Variants in BIN1 observed in about 807,000 individuals in gnomAD.
BIN1 encodes the protein bridging integrator 1.
Under a neutral mutation model 82.0 loss-of-function variants are expected in BIN1, and 53 were observed. The ratio of observed to expected loss-of-function variants is 0.65; its 90% CI spans 0.52 to 0.81. The LOEUF is 0.81. BIN1 is among the 40% of genes least tolerant of loss of function. BIN1 has a pLI of 0.00. For synonymous variants in BIN1, 302 were observed against 328.0 expected, an observed-to-expected ratio of 0.92 and a Z score of 0.86; for missense variants, 642 against 784.4, an observed-to-expected ratio of 0.82 and a Z score of 2.17.
intron 14 of BIN1, chr2:127,052,765 T>G (rs1178478052): frequency 3.6e-6 from 1 of 280,678 alleles, no homozygotes; most frequent in Non-Finnish European, 6.8e-6. Context: ...TCTGCCTGTA[T>G]CAGGGGGTCT....
intron 1 of BIN1, among the ~76,000 whole-genome samples, chr2:127,103,825 T>A (rs981611584): frequency 6.6e-6 from 1 of 152,152 alleles, no homozygotes; most frequent in Non-Finnish European, 1.5e-5. Context: ...ACACAATCAT[T>A]TATAGAGGGT....
intron 1 of BIN1, among the ~76,000 whole-genome samples, chr2:127,106,276 G>A (rs1438350159): frequency 2.0e-5 from 3 of 152,250 alleles, no homozygotes; most frequent in African/African-American, 7.2e-5. Context: ...CTTCCAGGCC[G>A]CAGGCACCTC....
At chr2:127,102,268 C>A (rs1159438948) in intron 1 of BIN1, among the ~76,000 whole-genome samples, 2 of 152,148 alleles carry the variant, frequency 1.3e-5, no homozygotes, top group Non-Finnish European at 2.9e-5. Context: ...TTGTAAGGGA[C>A]CAGCTGGGCT....
rs373337767 is a variant in BIN1 at position 127,063,553 on chromosome 2, G to A, written c.774+18C>T. 1.2e-6 allele frequency: 2 copies of A among 1,612,550 alleles called. No homozygotes were observed. Among genetic ancestry groups the A allele is most frequent in the African/African-American group, 2.7e-5 (2 of 74,886 alleles). ...CCAGGGTGGGGTGTGGCCCCTCAGA[G>A]GGGTCCCCATGGCCTACCTTGCTCA... On this transcript the variant is annotated intron_variant, in intron 9 of 18. Coordinates refer to ENST00000316724, the MANE Select transcript of BIN1 (RefSeq NM_139343.3).
chr2:127,053,280 G>C (rs762857980), intron 14 of BIN1, 142 bp downstream of exon 14: 8 of 1,249,570 alleles, frequency 6.4e-6, no homozygotes, highest in Non-Finnish European at 8.0e-6. Flanking sequence ...CTCCCTGTGC[G>C]TGAGCACGTG....
At chr2:127,104,489 C>CAG (rs977033869) in intron 1 of BIN1, among the ~76,000 whole-genome samples, 1 of 152,180 alleles carries the variant, frequency 6.6e-6, no homozygotes, top group Non-Finnish European at 1.5e-5. Flanking sequence ...GGCCCTTCTT[C>CAG]CTACGCCAGG....
At chr2:127,072,813 C>T (rs187045395) in intron 2 of BIN1, among the ~76,000 whole-genome samples, 56 of 152,226 alleles carry the variant, frequency 3.7e-4, no homozygotes, top group African/African-American at 8.7e-4. Flanking sequence ...GGAGACCCCG[C>T]GGGGCCGGGG....
Position 127,102,257 on chromosome 2 carries a change from C to A in BIN1, c.84+4603G>T, listed in dbSNP as rs533197574. On this transcript the variant is annotated intron_variant, in intron 1 of 18. Transcript: ENST00000316724. ...TAGAACCTCAGGGACAGTCACACAG[C>A]TTGTAAGGGACCAGCTGGGCTGGAC... 4.7e-3 allele frequency among the ~76,000 whole-genome samples: 714 copies of A among 152,278 alleles called. 4 individuals carry two copies. Among genetic ancestry groups the A allele is most frequent in the Non-Finnish European group, 6.6e-3 (451 of 68,024 alleles).
chr2:127,053,204 C>G (rs1200228611), intron 14 of BIN1: 1 of 658,332 alleles, frequency 1.5e-6, no homozygotes, highest in African/African-American at 1.8e-5. Flanking sequence ...AACCGAAGAT[C>G]CCCTTTTCCA....
intron 10 of BIN1, chr2:127,060,591 G>A (rs764416956): frequency 9.9e-5 from 159 of 1,614,032 alleles, no homozygotes; most frequent in South Asian, 1.4e-4. Context: ...ACTCACTGCC[G>A]GTACCTGTTC....
chr2:127,083,981 A>T (rs929016852), intron 1 of BIN1, among the ~76,000 whole-genome samples: 2 of 152,230 alleles, frequency 1.3e-5, no homozygotes, highest in Non-Finnish European at 2.9e-5. Flanking sequence ...TTGGAAAGGA[A>T]GGTCACTTTT....
At chr2:127,086,286 A>G (rs1284444659) in intron 1 of BIN1, among the ~76,000 whole-genome samples, 1 of 152,080 alleles carries the variant, frequency 6.6e-6, no homozygotes, top group Non-Finnish European at 1.5e-5. Context: ...CACTGGGGGG[A>G]GCGGGCGTGT....
rs1416571395 is a variant in BIN1 at position 127,107,133 on chromosome 2, A to G, written c.-190T>C. The G allele has an allele frequency of 7.2e-6, 4 of 555,386 alleles. No homozygotes were observed. The highest frequency in any genetic ancestry group is 1.1e-5 in the Non-Finnish European group (4 of 364,246). 34.4% of individuals were successfully genotyped at this position (555,386 alleles called of 1,614,324 possible). ...GGGCGAGCGAGCCAGCGAGCTAGCC[A>G]GCGAGCGACGCGGGGACAGAGGGAG... On this transcript the variant is annotated 5_prime_UTR_variant, in exon 1 of 19. Coordinates refer to ENST00000316724, the MANE Select transcript of BIN1 (RefSeq NM_139343.3). The surrounding 1 kb of genome is among the most constrained non-coding windows in gnomAD (Gnocchi z 5.9).
intron 2 of BIN1, among the ~76,000 whole-genome samples, chr2:127,073,589 G>A (rs577918095): frequency 2.6e-5 from 4 of 152,140 alleles, no homozygotes; most frequent in South Asian, 4.1e-4. Context: ...CTCCCAGTGG[G>A]TCTAGGGGGC....
intron 5 of BIN1, 116 bp from the exon 6 acceptor site, chr2:127,069,147 C>A: frequency 3.3e-6 from 3 of 899,170 alleles, no homozygotes; most frequent in Non-Finnish European, 5.2e-6. Flanking sequence ...TCCACAGGAA[C>A]CCTTGAGCCC....
In BIN1 at chr2:127,057,377, C is replaced by G. The variant is rs1683830591; in HGVS notation, c.1131+96G>C. 9 of 1,405,316 alleles carry G rather than the reference C, an allele frequency of 6.4e-6. No homozygotes were observed. The South Asian group carries it at 1.4e-4, about 22-fold the overall frequency. The allele number at this position is 1,405,316 out of a possible 1,614,324, so 87.1% of individuals were successfully genotyped here. On this transcript the variant is annotated intron_variant, in intron 12 of 18. Transcript: ENST00000316724. The surrounding 1 kb of genome is among the most constrained non-coding windows in gnomAD (Gnocchi z 5.0). ...AACTGACACTCTCTCTGGCCAGATTCCTGGCTCTTGAGACAGAAGCATAGA... is the reference window on the plus strand; with the variant it reads ...AACTGACACTCTCTCTGGCCAGATTGCTGGCTCTTGAGACAGAAGCATAGA...
At chr2:127,054,397 A>C in intron 12 of BIN1, 1 of 306,800 alleles carries the variant, frequency 3.3e-6, no homozygotes, top group Admixed American at 4.4e-5. Flanking sequence ...CAATGCCCGA[A>C]CCTCCTCTCC....
At chr2:127,084,928 A>G (rs1312077475) in intron 1 of BIN1, among the ~76,000 whole-genome samples, 2 of 152,188 alleles carry the variant, frequency 1.3e-5, no homozygotes, top group Non-Finnish European at 2.9e-5. Context: ...CTTCCTCCTC[A>G]GAACCCAGTG....
At position 127,104,501 on chromosome 2, in the gene BIN1, C is replaced by T. The variant is rs142328572; in HGVS notation, c.84+2359G>A. On this transcript the variant is annotated intron_variant, in intron 1 of 18. Transcript: ENST00000316724. The stretch of plus-strand genomic sequence containing the variant: ...ACGGGCCCTTCTTCCTACGCCAGGA[C>T]GCCAGGACTCTCCCAGCCTCCCAGC... Among the ~76,000 whole-genome samples, 6 of 152,240 alleles carry T rather than the reference C, an allele frequency of 3.9e-5. No individual in the cohort carries two copies. The East Asian group carries it at 5.8e-4, about 15-fold the overall frequency.
Sources: allele counts gnomAD v4.1 joint callset (sites outside exome capture counted in the v4.1 genomes callset), GRCh38; gene constraint gnomAD v4.1.1; non-coding constraint Gnocchi (gnomAD v3.1); transcripts MANE v1.5; gene names NCBI Gene and HGNC (gene_info 2026-07-23, HGNC 2026-07-21).